The following SLC16A7 variants were observed in gnomAD, a reference collection of about 807,000 sequenced individuals.
The protein encoded by SLC16A7 is solute carrier family 16 member 7.
SLC16A7 carries 33 observed loss-of-function variants against 34.9 expected under a neutral mutation model. That is an observed-to-expected ratio of 0.94 (90% CI 0.72 to 1.26). The LOEUF (loss-of-function observed/expected upper bound fraction) is 1.26, where lower values mean the gene tolerates loss of function less well. SLC16A7 is among the 50% of genes most tolerant of loss of function. The probability of loss-of-function intolerance (pLI) is 0.00; values close to 1 mark genes in which losing one functional copy is unlikely to be tolerated. For missense variants in SLC16A7, 573 were observed against 578.1 expected, an observed-to-expected ratio of 0.99 and a Z score of 0.09; for synonymous variants, 201 against 206.6, an observed-to-expected ratio of 0.97 and a Z score of 0.23.
In SLC16A7 at chr12:59,671,955, GTA is replaced by G. The variant is rs1491119900; in HGVS notation, c.-31+16711_-31+16712del. Among the ~76,000 whole-genome samples the G allele has an allele frequency of 3.2e-5, 2 of 63,438 alleles. 1 individual carries two copies. Among genetic ancestry groups the G allele is most frequent in the African/African-American group, 1.9e-4 (2 of 10,462 alleles). The allele number at this position is 63,438 out of a possible 152,430, so 41.6% of individuals were successfully genotyped here. ...CATATATGTATATATGTGTATATAT[GTA>G]TATATGTGTATATATCCATATATCC... On this transcript the variant is annotated intron_variant, in intron 2 of 5. Coordinates refer to ENST00000547379, the MANE Select transcript of SLC16A7 (RefSeq NM_001270623.2).
chr12:59,616,962 G>A (rs997773433), intron 1 of SLC16A7, among the ~76,000 whole-genome samples: 3 of 152,128 alleles, frequency 2.0e-5, no homozygotes, highest in East Asian at 1.9e-4. Flanking sequence ...TTTGTTATAT[G>A]TTATAGCGTA....
chr12:59,656,380 C>T (rs753102897), intron 2 of SLC16A7, among the ~76,000 whole-genome samples: 3 of 151,894 alleles, frequency 2.0e-5, no homozygotes, highest in Non-Finnish European at 4.4e-5. Flanking sequence ...CACTAGGATC[C>T]TTATAAATGA....
chr12:59,749,919 G>T (rs1052897046), intron 3 of SLC16A7, among the ~76,000 whole-genome samples: 2 of 152,044 alleles, frequency 1.3e-5, no homozygotes, highest in African/African-American at 4.8e-5. Context: ...CCAAACCAGC[G>T]CCAGACATTG....
Position 59,779,462 on chromosome 12 carries a change from A to G in SLC16A7, c.1220A>G (p.Tyr407Cys), listed in dbSNP as rs752637113. Residue 407 changes from tyrosine to cysteine, a missense_variant, in exon 6 of 6, where the codon TAC (tyrosine) becomes TGC (cysteine). Transcript: ENST00000547379. ...TTAACTGGAGAATATAAATACATGT[A>G]CATGTCCTGTGGGGCTATTGTGGTA... Reference protein sequence around the residue: ...VDLTGEYKYMYMSCGAIVVAA... With the variant: ...VDLTGEYKYMCMSCGAIVVAA... The G allele has an allele frequency of 1.2e-6, 2 of 1,611,064 alleles. No individual in the cohort carries two copies. Among genetic ancestry groups the G allele is most frequent in the African/African-American group, 2.7e-5 (2 of 74,838 alleles).
rs773733242 is a variant in SLC16A7 at position 59,771,344 on chromosome 12, A to G, written c.343A>G (p.Thr115Ala). Residue 115 changes from threonine to alanine, a missense_variant, in exon 4 of 6, where the codon ACT becomes GCT. By Grantham distance (58) the Thr-to-Ala change is moderately conservative. Transcript: ENST00000547379. The part of the protein sequence containing the change: ...FSSSVVQLYL[T>A]MGFITGLGLA... ...TAGCAGCGTGGTACAGCTGTACCTC[A>G]CTATGGGATTCATTACAGGTAAGCC... The G allele has an allele frequency of 5.6e-6, 9 of 1,606,368 alleles. No individual in the cohort carries two copies. The highest frequency in any genetic ancestry group is 7.7e-6 in the Non-Finnish European group (9 of 1,176,404).
chr12:59,726,951 T>A (rs952007772), intron 3 of SLC16A7, among the ~76,000 whole-genome samples: 3 of 151,352 alleles, frequency 2.0e-5, no homozygotes, highest in African/African-American at 7.4e-5. Flanking sequence ...CCTCAGAAAA[T>A]TTTAAAAGCA....
At chr12:59,638,503 A>T (rs1880535874) in intron 1 of SLC16A7, among the ~76,000 whole-genome samples, 1 of 152,208 alleles carries the variant, frequency 6.6e-6, no homozygotes. Flanking sequence ...TGGTTGACCC[A>T]AGAAGACAGA....
intron 2 of SLC16A7, among the ~76,000 whole-genome samples, chr12:59,700,731 A>C (rs929972652): frequency 1.3e-5 from 2 of 151,670 alleles, no homozygotes; most frequent in Non-Finnish European, 3.0e-5. Flanking sequence ...TGGTAGAGAA[A>C]GAGTGATGTG....
chr12:59,676,569 C>T (rs1446465736), intron 2 of SLC16A7, among the ~76,000 whole-genome samples: 1 of 151,892 alleles, frequency 6.6e-6, no homozygotes, highest in Non-Finnish European at 1.5e-5. Context: ...GGTACAGCCC[C>T]CACTAACAAA....
chr12:59,617,736 G>C (rs933547354), intron 1 of SLC16A7, among the ~76,000 whole-genome samples: 1 of 151,880 alleles, frequency 6.6e-6, no homozygotes, highest in Non-Finnish European at 1.5e-5. Flanking sequence ...ATTAATTGTT[G>C]AGACCTAAGG....
At chr12:59,685,364 C>A (rs181775852) in intron 2 of SLC16A7, among the ~76,000 whole-genome samples, 8 of 152,022 alleles carry the variant, frequency 5.3e-5, no homozygotes, top group Non-Finnish European at 1.0e-4. Flanking sequence ...TTAAAGAATG[C>A]GATGGAAATG....
chr12:59,750,582 A>G (rs1879408077), intron 3 of SLC16A7, among the ~76,000 whole-genome samples: 1 of 152,216 alleles, frequency 6.6e-6, no homozygotes, highest in East Asian at 1.9e-4. Flanking sequence ...GAGGATGTGG[A>G]GAAATAGGAA....
intron 5 of SLC16A7, among the ~76,000 whole-genome samples, chr12:59,777,750 C>G (rs553085240): frequency 6.6e-6 from 1 of 150,862 alleles, no homozygotes; most frequent in Non-Finnish European, 1.5e-5. Context: ...TGTGCTGTAC[C>G]CATTAACTCG....
intron 1 of SLC16A7, among the ~76,000 whole-genome samples, chr12:59,606,818 TTG>T (rs375081409): frequency 6.6e-6 from 1 of 151,996 alleles, no homozygotes; most frequent in African/African-American, 2.4e-5. Context: ...TTTAGAGATA[TTG>T]TGTGTGTGTG....
At chr12:59,702,446 A>G (rs1873000629) in intron 2 of SLC16A7, among the ~76,000 whole-genome samples, 1 of 152,032 alleles carries the variant, frequency 6.6e-6, no homozygotes, top group African/African-American at 2.4e-5. Flanking sequence ...AAAACATACA[A>G]ACCATCTCAA....
chr12:59,641,272 C>G (rs1181514756), intron 1 of SLC16A7, among the ~76,000 whole-genome samples: 2 of 152,010 alleles, frequency 1.3e-5, no homozygotes, highest in Non-Finnish European at 2.9e-5. Flanking sequence ...TTAATTGATA[C>G]AAAGCAGTCT....
chr12:59,622,853 G>A (rs1879753705), intron 1 of SLC16A7, among the ~76,000 whole-genome samples: 1 of 151,748 alleles, frequency 6.6e-6, no homozygotes, highest in South Asian at 2.1e-4. Context: ...GTTTTAATTT[G>A]CATCATGTCG....
intron 2 of SLC16A7, among the ~76,000 whole-genome samples, chr12:59,659,785 C>A (rs1191710358): frequency 6.6e-6 from 1 of 152,016 alleles, no homozygotes; most frequent in Non-Finnish European, 1.5e-5. Flanking sequence ...TCTGTCTCCT[C>A]TGTAGGAAGG....
At chr12:59,654,321 A>G (rs1169246037) in intron 1 of SLC16A7, among the ~76,000 whole-genome samples, 3 of 151,558 alleles carry the variant, frequency 2.0e-5, no homozygotes, top group Non-Finnish European at 3.0e-5. Flanking sequence ...TTATTCAGTC[A>G]ACAATTTATT....
Sources: allele counts gnomAD v4.1 joint callset (sites outside exome capture counted in the v4.1 genomes callset), GRCh38; gene constraint gnomAD v4.1.1; transcripts MANE v1.5; gene names NCBI Gene and HGNC (gene_info 2026-07-23, HGNC 2026-07-21).